The following MAPK13 variants were observed in gnomAD, a reference collection of about 807,000 sequenced individuals.
MAPK13 encodes mitogen-activated protein kinase 13, also known as MAP kinase 13.
Under a neutral mutation model 53.5 loss-of-function variants are expected in MAPK13, and 39 were observed. The ratio of observed to expected loss-of-function variants is 0.73; its 90% confidence interval spans 0.56 to 0.95. MAPK13 has a LOEUF of 0.95. MAPK13 is among the 40% of genes least tolerant of loss of function. The probability of loss-of-function intolerance (pLI) is 0.00; values close to 1 mark genes in which losing one functional copy is unlikely to be tolerated. For missense variants in MAPK13, 460 were observed against 471.8 expected, an observed-to-expected ratio of 0.98 and a Z score of 0.23; for synonymous variants, 179 against 190.9, an observed-to-expected ratio of 0.94 and a Z score of 0.51.
At position 36,136,547 on chromosome 6, in the gene MAPK13, G is replaced by A. The variant is rs765967325; in HGVS notation, c.495+16G>A. On this transcript the variant is annotated intron_variant, in intron 6 of 11. Transcript: ENST00000211287. Reference sequence around the variant, plus strand: ...TGAACTGAAGGTGAGTGGGCTGCAGGCTCAGCCCAGAGGCGGGATAGGCCC... The same window carrying A: ...TGAACTGAAGGTGAGTGGGCTGCAGACTCAGCCCAGAGGCGGGATAGGCCC... 1.6e-5 allele frequency: 25 copies of A among 1,600,542 alleles called. No individual in the cohort carries two copies. The East Asian group carries it at 1.8e-4, about 11-fold the overall frequency.
At chr6:36,133,768 A>G (rs1028763995) in intron 3 of MAPK13, among the ~76,000 whole-genome samples, 4 of 152,206 alleles carry the variant, frequency 2.6e-5, no homozygotes, top group Non-Finnish European at 5.9e-5. Context: ...AGATAATTGT[A>G]GAATGTGGTA....
chr6:36,132,878 G>C (rs1037134023), intron 3 of MAPK13, among the ~76,000 whole-genome samples, 199 bp downstream of exon 3: 1 of 152,220 alleles, frequency 6.6e-6, no homozygotes, highest in East Asian at 1.9e-4. Flanking sequence ...GAAGAGGCAG[G>C]AAGGACTTTG....
chr6:36,136,055 G>A lies in MAPK13; in HGVS notation c.447+7G>A, dbSNP rs762965531. 1.2e-6 allele frequency: 2 copies of A among 1,614,056 alleles called. No homozygotes were observed. The highest frequency in any genetic ancestry group is 2.2e-5 in the East Asian group (1 of 44,856). ...TGCTGGGGTCGTGCACAGGGTGAGT[G>A]CTTTCTCTGCCATGGTCCTCAGAGG... On this transcript the variant is annotated splice_region_variant and intron_variant, in intron 5 of 11. Transcript: ENST00000211287.
At position 36,137,009 on chromosome 6, in the gene MAPK13, T is replaced by C. The variant is rs146616476; in HGVS notation, c.682+59T>C. ...GGGATTCCTTCCTTCAACAGACACT[T>C]TATTTAAATAACTGTCTTTTTTTTC... On this transcript the variant is annotated intron_variant, in intron 8 of 11. Coordinates refer to ENST00000211287, the MANE Select transcript of MAPK13 (RefSeq NM_002754.5). 1,255 of 1,433,946 alleles carry C rather than the reference T, an allele frequency of 8.8e-4. 13 individuals carry two copies. The East Asian group carries it at 0.024, about 27-fold the overall frequency. The allele number at this position is 1,433,946 out of a possible 1,614,324, so 88.8% of individuals were successfully genotyped here. A position where few individuals can be genotyped will look rare whatever the true frequency, so the allele number is the denominator to read the frequency against.
Position 36,138,347 on chromosome 6 carries a change from C to G in MAPK13, c.683-18C>G, listed in dbSNP as rs747004696. ...GACCCACCAGGAGAGCAAGGCTAAG[C>G]CTTAACCTGCCACCAAGACCTGGAC... On this transcript the variant is annotated intron_variant, in intron 8 of 11. Coordinates refer to ENST00000211287, the MANE Select transcript of MAPK13 (RefSeq NM_002754.5). The G allele has an allele frequency of 6.2e-7, 1 of 1,608,340 alleles. No homozygotes were observed. The highest frequency in any genetic ancestry group is 1.1e-5 in the South Asian group (1 of 90,912).
Position 36,142,893 on chromosome 6 carries a change from T to G in MAPK13, c.*3520T>G, listed in dbSNP as rs1449471338. ...GGTGGGGGGTGGAGGGGGTGGGGAG[T>G]AGAGGGAGTGGGGGTTCCACGGGTT... On this transcript the variant is annotated 3_prime_UTR_variant, in exon 12 of 12. Coordinates refer to ENST00000211287, the MANE Select transcript of MAPK13 (RefSeq NM_002754.5). The surrounding 1 kb of genome is among the most constrained non-coding windows in gnomAD (Gnocchi z 4.4). 6 of 142,540 alleles carry G rather than the reference T, an allele frequency of 4.2e-5. No individual in the cohort carries two copies. Among genetic ancestry groups the G allele is most frequent in the African/African-American group, 8.0e-5 (3 of 37,574 alleles). 8.8% of individuals were successfully genotyped at this position (142,540 alleles called of 1,614,324 possible).
rs776291278 is a variant in MAPK13, at chr6:36,138,991, G to A, written c.954G>A (p.Thr318=). ...CCTTCCGGGACCCTGAGGAAGAGAC[G>A]GAGGCCCAGCAGCCGTTTGATGATT... is the stretch of plus-strand genomic sequence containing the variant. The part of the protein sequence containing the change: ...FEPFRDPEEE[T]EAQQPFDDSL... The change falls in exon 11 of 12, where the codon ACG becomes ACA. Residue 318 remains threonine (T), a synonymous_variant. Transcript: ENST00000211287. The A allele has an allele frequency of 2.3e-5, 37 of 1,613,582 alleles. No individual in the cohort carries two copies. The highest frequency in any genetic ancestry group is 2.2e-5 in the Non-Finnish European group (26 of 1,179,928).
chr6:36,136,294 G>T (rs1020346086), intron 5 of MAPK13, among the ~76,000 whole-genome samples, 190 bp from the exon 6 acceptor site: 10 of 152,174 alleles, frequency 6.6e-5, no homozygotes, highest in Admixed American at 6.5e-5. Flanking sequence ...CAGGCTTCAA[G>T]AATCAGGAAC....
At chr6:36,136,359 C>A in intron 5 of MAPK13, 125 bp from the exon 6 acceptor site, 1 of 784,816 alleles carries the variant, frequency 1.3e-6, no homozygotes, top group Non-Finnish European at 2.0e-6. Flanking sequence ...TCATTTTACA[C>A]ATGAAGAAAC....
Position 36,138,690 on chromosome 6 carries a change from T to C in MAPK13, c.763-12T>C, listed in dbSNP as rs1448859172. ...AGAGCCCTAAGGGGTTTGATGCTTT[T>C]CTGTCTTCCAGGCCAAATCCTACAT... On this transcript the variant is annotated splice_polypyrimidine_tract_variant and intron_variant, in intron 9 of 11. Coordinates refer to ENST00000211287, the MANE Select transcript of MAPK13 (RefSeq NM_002754.5). 6.2e-7 allele frequency: 1 copy of C among 1,613,838 alleles called. No homozygotes were observed. The highest frequency in any genetic ancestry group is 1.7e-5 in the Admixed American group (1 of 60,024).
chr6:36,130,874 A>G lies in MAPK13; in HGVS notation c.119+173A>G, dbSNP rs1581877881. ...TCTCCCTTTTCTCACCGAGTGGCTG[A>G]GTGAGGTCTCTGGGGGTTGAGTTGG... is the stretch of plus-strand genomic sequence containing the variant. On this transcript the variant is annotated intron_variant, in intron 1 of 11. Coordinates refer to ENST00000211287, the MANE Select transcript of MAPK13 (RefSeq NM_002754.5). The surrounding 1 kb of genome is among the most constrained non-coding windows in gnomAD (Gnocchi z 4.5). 2 of 512,608 alleles carry G rather than the reference A, an allele frequency of 3.9e-6. No individual in the cohort carries two copies. Among genetic ancestry groups the G allele is most frequent in the African/African-American group, 2.0e-5 (1 of 48,806 alleles). The allele number at this position is 512,608 out of a possible 1,614,324, so 31.8% of individuals were successfully genotyped here. A position where few individuals can be genotyped will look rare whatever the true frequency, so the allele number is the denominator to read the frequency against.
In MAPK13 at chr6:36,138,622, G is replaced by C. The variant is rs1766467029; in HGVS notation, c.763-80G>C. On this transcript the variant is annotated intron_variant, in intron 9 of 11. Coordinates refer to ENST00000211287, the MANE Select transcript of MAPK13 (RefSeq NM_002754.5). ...GACCCTGACCTGAACTTTCAGCCCT[G>C]CTCTGAGGCTTTTCTGAAATCCCTG... The C allele has an allele frequency of 2.8e-6, 4 of 1,442,508 alleles. No individual in the cohort carries two copies. The African/African-American group carries it at 4.2e-5, about 15-fold the overall frequency. 89.4% of individuals were successfully genotyped at this position (1,442,508 alleles called of 1,614,324 possible).
intron 8 of MAPK13, 115 bp from the exon 9 acceptor site, chr6:36,138,249 GC>G (rs1050875708): frequency 2.7e-6 from 2 of 751,130 alleles, no homozygotes; most frequent in African/African-American, 1.7e-5. Flanking sequence ...GTTAGGCAGG[GC>G]TGGAGCCTGG....
At position 36,138,709 on chromosome 6, in the gene MAPK13, C is replaced by A; in HGVS notation, c.770C>A (p.Ser257Tyr). The A allele has an allele frequency of 1.2e-6, 2 of 1,614,178 alleles. No homozygotes were observed. Among genetic ancestry groups the A allele is most frequent in the South Asian group, 2.2e-5 (2 of 91,088 alleles). ...VQKLNDKAAKSYIQSLPQTPR... is the reference protein window; with the variant it reads ...VQKLNDKAAKYYIQSLPQTPR... ...TGCTTTTCTGTCTTCCAGGCCAAAT[C>A]CTACATCCAGTCCCTGCCACAGACC... Residue 257 changes from serine to tyrosine, a missense_variant, in exon 10 of 12, where the codon TCC becomes TAC. By Grantham distance (144) the Ser-to-Tyr change is moderately radical. Transcript: ENST00000211287.
Position 36,136,665 on chromosome 6 carries a change from T to C in MAPK13, c.505T>C (p.Phe169Leu), listed in dbSNP as rs1236920989. 6.2e-7 allele frequency: 1 copy of C among 1,613,868 alleles called. No individual in the cohort carries two copies. Among genetic ancestry groups the C allele is most frequent in the Admixed American group, 1.7e-5 (1 of 59,970 alleles). Residue 169 changes from phenylalanine (F) to leucine (L), a missense_variant, in exon 7 of 12, where the codon TTT becomes CTT. Transcript: ENST00000211287. Reference sequence around the variant, plus strand: ...ATCCCCTGTGCCATAGATTCTGGATTTTGGGCTGGCGCGACATGCAGACGC... The same window carrying C: ...ATCCCCTGTGCCATAGATTCTGGATCTTGGGCTGGCGCGACATGCAGACGC... ...NEDCELKILD[F>L]GLARHADAEM...
In MAPK13 at chr6:36,130,782, C is replaced by G. The variant is rs1331940385; in HGVS notation, c.119+81C>G. The G allele has an allele frequency of 1.4e-6, 1 of 726,758 alleles. No individual in the cohort carries two copies. Among genetic ancestry groups the G allele is most frequent in the African/African-American group, 1.9e-5 (1 of 51,888 alleles). 45.0% of individuals were successfully genotyped at this position (726,758 alleles called of 1,614,324 possible). Reference sequence around the variant, plus strand: ...CGCCCAGCCCGCCCTGGGCTGGCCCCTCGCCAGCGCCACCTTGACCGCGGA... The same window carrying G: ...CGCCCAGCCCGCCCTGGGCTGGCCCGTCGCCAGCGCCACCTTGACCGCGGA... On this transcript the variant is annotated intron_variant, in intron 1 of 11. Coordinates refer to ENST00000211287, the MANE Select transcript of MAPK13 (RefSeq NM_002754.5). This position sits in a 1 kb window ranked among gnomAD's most constrained non-coding sequence, Gnocchi z 4.5.
chr6:36,136,396 G>T (rs974871170), intron 5 of MAPK13, 88 bp from the exon 6 acceptor site: 5 of 1,160,864 alleles, frequency 4.3e-6, no homozygotes, highest in Non-Finnish European at 6.1e-6. Context: ...AAGGGGCCTG[G>T]CTGAGGTCAC....
chr6:36,132,128 C>T (rs1766334576), intron 2 of MAPK13, among the ~76,000 whole-genome samples: 1 of 152,250 alleles, frequency 6.6e-6, no homozygotes, highest in East Asian at 1.9e-4. Flanking sequence ...GCAAACCCCT[C>T]CCCTATGGCC....
At chr6:36,131,875 G>A (rs1766330666) in intron 2 of MAPK13, among the ~76,000 whole-genome samples, 1 of 152,182 alleles carries the variant, frequency 6.6e-6, no homozygotes, top group Non-Finnish European at 1.5e-5. Flanking sequence ...CTAAAGCACA[G>A]CAAGGCTCAC....
Sources: allele counts gnomAD v4.1 joint callset (sites outside exome capture counted in the v4.1 genomes callset), GRCh38; gene constraint gnomAD v4.1.1; non-coding constraint Gnocchi (gnomAD v3.1); transcripts MANE v1.5; gene names NCBI Gene and HGNC (gene_info 2026-07-23, HGNC 2026-07-21).